Variants in CDC16 observed in about 807,000 individuals in gnomAD.
CDC16 encodes the protein cell division cycle protein 16 homolog.
Under a neutral mutation model 87.0 loss-of-function variants are expected in CDC16, and 34 were observed. The observed-to-expected ratio is 0.39, with a 90% confidence interval of 0.30 to 0.52. The LOEUF (loss-of-function observed/expected upper bound fraction) is 0.52, where lower values mean the gene tolerates loss of function less well. Ranked by LOEUF, CDC16 falls within the 20% of genes least tolerant of loss-of-function variation. The probability of loss-of-function intolerance (pLI) is 0.74; values close to 1 mark genes in which losing one functional copy is unlikely to be tolerated. For missense variants in CDC16, 653 were observed against 751.9 expected (o/e 0.87, Z 1.54); for synonymous variants, 263 against 260.6 (o/e 1.01, Z -0.09).
chr13:114,247,453 C>T (rs1482161228), intron 11 of CDC16, among the ~76,000 whole-genome samples: 2 of 151,998 alleles, frequency 1.3e-5, no homozygotes, highest in Non-Finnish European at 2.9e-5. Context: ...CAGGCATGAG[C>T]CACCATGCCT....
chr13:114,252,110 G>T (rs960554549), intron 12 of CDC16, among the ~76,000 whole-genome samples: 2 of 149,062 alleles, frequency 1.3e-5, no homozygotes, highest in Admixed American at 6.7e-5. Context: ...CCCTACACTA[G>T]CCCTGTTGGA....
At chr13:114,237,165 A>G (rs1274915404) in intron 3 of CDC16, among the ~76,000 whole-genome samples, 4 of 151,996 alleles carry the variant, frequency 2.6e-5, no homozygotes. Context: ...TGGAGGTTGC[A>G]GTGAGCTGAG....
intron 12 of CDC16, among the ~76,000 whole-genome samples, chr13:114,254,813 T>C (rs1235700078): frequency 6.6e-6 from 1 of 152,178 alleles, no homozygotes; most frequent in Non-Finnish European, 1.5e-5. Flanking sequence ...CAGGCCATGA[T>C]GGGAAGTGGG....
intron 12 of CDC16, among the ~76,000 whole-genome samples, chr13:114,252,887 A>G (rs1182149378): frequency 6.6e-6 from 1 of 152,292 alleles, no homozygotes; most frequent in East Asian, 1.9e-4. Context: ...TAATCCCAGC[A>G]CTTTGGGAGG....
At chr13:114,267,235 C>T (rs1422380458) in intron 17 of CDC16, among the ~76,000 whole-genome samples, 1 of 152,120 alleles carries the variant, frequency 6.6e-6, no homozygotes, top group African/African-American at 2.4e-5. Context: ...CGCCTGTAAT[C>T]CCAGCACTTT....
chr13:114,236,722 G>A, intron 2 of CDC16, 23 bp downstream of exon 2: 4 of 1,613,558 alleles, frequency 2.5e-6, no homozygotes, highest in Non-Finnish European at 3.4e-6. Flanking sequence ...ATGCTAACTG[G>A]TTTTCTGATT....
chr13:114,244,745 C>T, intron 8 of CDC16, 145 bp from the exon 9 acceptor site: 1 of 477,620 alleles, frequency 2.1e-6, no homozygotes, highest in South Asian at 5.0e-5. Flanking sequence ...CTGAATCAAC[C>T]TGAAGATAAT....
chr13:114,267,584 T>C (rs377098086), intron 17 of CDC16, among the ~76,000 whole-genome samples: 9 of 152,310 alleles, frequency 5.9e-5, no homozygotes, highest in African/African-American at 1.9e-4. Context: ...TAAAAATAAT[T>C]GAAAATGTCA....
In CDC16 at chr13:114,252,608, A is replaced by G. The variant is rs1344717458; in HGVS notation, c.1097+1934A>G. Among the ~76,000 whole-genome samples, 5 of 151,764 alleles carry G rather than the reference A, an allele frequency of 3.3e-5. No individual in the cohort carries two copies. The East Asian group carries it at 7.7e-4, about 23-fold the overall frequency. On this transcript the variant is annotated intron_variant, in intron 12 of 17. Transcript: ENST00000356221. ...TCTGAAGCTCAGCTCCAGTATCTGC[A>G]TATTTCCCCTATGTATCAATATGAT... is the stretch of plus-strand genomic sequence containing the variant.
intron 12 of CDC16, among the ~76,000 whole-genome samples, chr13:114,255,399 C>A (rs974237474): frequency 2.0e-5 from 3 of 152,126 alleles, no homozygotes; most frequent in Non-Finnish European, 4.4e-5. Context: ...TACACTGTTA[C>A]TGGTAAACCT....
intron 4 of CDC16, 32 bp downstream of exon 4, chr13:114,239,060 G>T (rs778707521): frequency 2.5e-6 from 4 of 1,605,814 alleles, no homozygotes; most frequent in Non-Finnish European, 3.4e-6. Context: ...TTTTTATTTG[G>T]TTGAATAAAA....
chr13:114,244,034 C>T (rs1455300950), intron 8 of CDC16, 45 bp downstream of exon 8: 7 of 1,411,046 alleles, frequency 5.0e-6, no homozygotes, highest in Non-Finnish European at 2.0e-6. Flanking sequence ...GGAGTTCACT[C>T]CATCTTACCT....
At chr13:114,235,607 C>T (rs894326892) in intron 1 of CDC16, among the ~76,000 whole-genome samples, 3 of 152,226 alleles carry the variant, frequency 2.0e-5, no homozygotes, top group Admixed American at 2.0e-4. Context: ...GTGTTCTCTG[C>T]ACTACCTTTG....
At chr13:114,249,924 G>T (rs2082075134) in intron 11 of CDC16, among the ~76,000 whole-genome samples, 2 of 152,036 alleles carry the variant, frequency 1.3e-5, no homozygotes, top group African/African-American at 4.8e-5. Flanking sequence ...TAGTTCAAAT[G>T]AATCAACACA....
intron 11 of CDC16, among the ~76,000 whole-genome samples, chr13:114,247,561 G>GA (rs2081942613): frequency 6.6e-6 from 1 of 151,986 alleles, no homozygotes; most frequent in African/African-American, 2.4e-5. Context: ...TATTCTCAGG[G>GA]AACCTACATA....
chr13:114,258,397 A>G (rs1241845912), intron 13 of CDC16, among the ~76,000 whole-genome samples: 1 of 152,166 alleles, frequency 6.6e-6, no homozygotes, highest in South Asian at 2.1e-4. Context: ...TCCCAGTTCA[A>G]CTATAAACCA....
intron 12 of CDC16, among the ~76,000 whole-genome samples, chr13:114,255,038 A>G (rs983443872): frequency 3.9e-4 from 59 of 152,086 alleles, no homozygotes; most frequent in Non-Finnish European, 2.9e-5. Context: ...TCTTAAATCT[A>G]CCTGTTACCT....
chr13:114,236,137 G>A (rs370228860), intron 1 of CDC16, among the ~76,000 whole-genome samples: 2 of 152,310 alleles, frequency 1.3e-5, no homozygotes, highest in East Asian at 3.9e-4. Flanking sequence ...CTTGGAGGAG[G>A]TGAGTTCTTC....
chr13:114,234,904 G>T lies in CDC16; in HGVS notation c.-181G>T. 1 of 393,784 alleles carries T rather than the reference G, an allele frequency of 2.5e-6. No homozygotes were observed. The highest frequency in any genetic ancestry group is 4.4e-6 in the Non-Finnish European group (1 of 225,100). 24.4% of individuals were successfully genotyped at this position (393,784 alleles called of 1,614,324 possible). ...GAGCGGAAGAGCCTGGGCAGTGCAC[G>T]GGGCCTGGGTGGGGGGTGCGGGTGT... On this transcript the variant is annotated 5_prime_UTR_variant, in exon 1 of 18. Coordinates refer to ENST00000356221, the MANE Select transcript of CDC16 (RefSeq NM_001078645.3).
Sources: allele counts gnomAD v4.1 joint callset (sites outside exome capture counted in the v4.1 genomes callset), GRCh38; gene constraint gnomAD v4.1.1; transcripts MANE v1.5; gene names NCBI Gene and HGNC (gene_info 2026-07-23, HGNC 2026-07-21).